Variants in RAD51B observed in about 807,000 individuals in gnomAD.
RAD51B encodes DNA repair protein RAD51 homolog 2.
A neutral mutation model predicts 42.2 loss-of-function variants in RAD51B; 38 were observed. The observed-to-expected ratio is 0.90, with a 90% CI of 0.70 to 1.18. The LOEUF (loss-of-function observed/expected upper bound fraction) is 1.18, where lower values mean the gene tolerates loss of function less well. Ranked by LOEUF, RAD51B falls within the 50% of genes most tolerant of loss-of-function variation. RAD51B has a pLI of 0.00. For missense variants in RAD51B, 373 were observed against 400.7 expected, an observed-to-expected ratio of 0.93 and a Z score of 0.59; for synonymous variants, 154 against 145.2, an observed-to-expected ratio of 1.06 and a Z score of -0.43.
At chr14:68,169,202 T>C (rs1004686657) in intron 7 of RAD51B, among the ~76,000 whole-genome samples, 16 of 152,178 alleles carry the variant, frequency 1.1e-4, no homozygotes, top group Non-Finnish European at 1.5e-5. Context: ...AGATGGATGA[T>C]TCATTTGCTA....
intron 7 of RAD51B, among the ~76,000 whole-genome samples, chr14:68,213,246 T>G (rs1471580150): frequency 6.6e-6 from 1 of 152,200 alleles, no homozygotes; most frequent in Non-Finnish European, 1.5e-5. Flanking sequence ...ATGCTAAATG[T>G]GTTGTATGAC....
intron 7 of RAD51B, among the ~76,000 whole-genome samples, chr14:68,165,821 G>A (rs1194600503): frequency 1.3e-5 from 2 of 152,132 alleles, no homozygotes; most frequent in African/African-American, 4.8e-5. Flanking sequence ...GAAGTTGCAA[G>A]TACTTTATAA....
intron 7 of RAD51B, among the ~76,000 whole-genome samples, chr14:67,949,701 T>A (rs2074407207): frequency 6.6e-6 from 1 of 152,184 alleles, no homozygotes; most frequent in African/African-American, 2.4e-5. Flanking sequence ...ATCAGAAGAA[T>A]CACAATCTAT....
intron 7 of RAD51B, among the ~76,000 whole-genome samples, chr14:67,957,959 C>A (rs937003349): frequency 6.6e-6 from 1 of 152,170 alleles, no homozygotes; most frequent in Admixed American, 6.5e-5. Context: ...AAGAATTGTA[C>A]GTTCATTCAG....
intron 8 of RAD51B, among the ~76,000 whole-genome samples, chr14:68,359,917 T>C (rs566020590): frequency 6.6e-6 from 1 of 152,330 alleles, no homozygotes; most frequent in East Asian, 1.9e-4. Context: ...TTGGTCTGGG[T>C]ACTTTCCACT....
chr14:68,186,017 A>G (rs1357303973), intron 7 of RAD51B, among the ~76,000 whole-genome samples: 1 of 152,250 alleles, frequency 6.6e-6, no homozygotes, highest in Non-Finnish European at 1.5e-5. Flanking sequence ...AAGCAAACAC[A>G]TTAACCAGTG....
intron 10 of RAD51B, among the ~76,000 whole-genome samples, chr14:68,552,314 G>T (rs1888617168): frequency 6.6e-6 from 1 of 152,114 alleles, no homozygotes; most frequent in Non-Finnish European, 1.5e-5. Context: ...TCCGTTCTTG[G>T]TTATATAGGA....
At chr14:68,076,452 A>G (rs529352609) in intron 7 of RAD51B, among the ~76,000 whole-genome samples, 1 of 152,368 alleles carries the variant, frequency 6.6e-6, no homozygotes, top group East Asian at 1.9e-4. Context: ...CTCCTTCAAA[A>G]GGCTAAAAGA....
At chr14:68,583,080 C>T (rs1890284296) in intron 10 of RAD51B, among the ~76,000 whole-genome samples, 1 of 152,170 alleles carries the variant, frequency 6.6e-6, no homozygotes, top group Non-Finnish European at 1.5e-5. Context: ...AGCAAACAAC[C>T]ATGGCATGTG....
chr14:68,419,249 A>C (rs895930149), intron 9 of RAD51B, among the ~76,000 whole-genome samples: 5 of 152,190 alleles, frequency 3.3e-5, no homozygotes, highest in Non-Finnish European at 5.9e-5. Context: ...ATGGAACAGA[A>C]ATTCAATTCT....
intron 10 of RAD51B, among the ~76,000 whole-genome samples, chr14:68,526,300 A>G (rs1280268809): frequency 1.3e-5 from 2 of 152,236 alleles, no homozygotes; most frequent in Non-Finnish European, 2.9e-5. Flanking sequence ...TTGGTCAACA[A>G]CTGACCACAT....
chr14:68,058,532 G>T (rs1487699940), intron 7 of RAD51B, among the ~76,000 whole-genome samples: 1 of 151,998 alleles, frequency 6.6e-6, no homozygotes, highest in Non-Finnish European at 1.5e-5. Flanking sequence ...TGTTTTTCTT[G>T]TACACAGTTA....
intron 7 of RAD51B, among the ~76,000 whole-genome samples, chr14:68,127,225 C>A (rs1280956591): frequency 6.6e-6 from 1 of 152,134 alleles, no homozygotes; most frequent in Non-Finnish European, 1.5e-5. Flanking sequence ...TCCACCCAGA[C>A]CATTGAATGT....
rs59465805 is a variant in RAD51B, at chr14:67,948,931, C to CAAAAAAAAA, written c.756+61746_756+61754dup. ...TGGGTGACAGAGTGAGACTCTGTCT[C>CAAAAAAAAA]AAAAAAAAAAAAAAAAAAAAAAAAA... On this transcript the variant is annotated intron_variant, in intron 7 of 10. Coordinates refer to ENST00000471583, the MANE Select transcript of RAD51B (RefSeq NM_133510.4). Among the ~76,000 whole-genome samples, 15 of 17,056 alleles carry CAAAAAAAAA rather than the reference C, an allele frequency of 8.8e-4. 1 individual carries two copies. Among genetic ancestry groups the CAAAAAAAAA allele is most frequent in the African/African-American group, 2.9e-3 (15 of 5,210 alleles). The allele number at this position is 17,056 out of a possible 152,430, so 11.2% of individuals were successfully genotyped here. A position where few individuals can be genotyped will look rare whatever the true frequency, so the allele number is the denominator to read the frequency against.
chr14:67,832,308 A>G (rs1174871115), intron 3 of RAD51B, among the ~76,000 whole-genome samples: 2 of 152,182 alleles, frequency 1.3e-5, no homozygotes, highest in African/African-American at 4.8e-5. Context: ...AATGCACAGG[A>G]TATAAATGGT....
intron 8 of RAD51B, among the ~76,000 whole-genome samples, chr14:68,402,566 C>G (rs1010553167): frequency 2.0e-5 from 3 of 152,184 alleles, no homozygotes; most frequent in Admixed American, 2.0e-4. Flanking sequence ...CACAGGTTTA[C>G]CCATCATAAA....
chr14:67,862,670 G>A (rs572354532), intron 4 of RAD51B, among the ~76,000 whole-genome samples: 1 of 152,176 alleles, frequency 6.6e-6, no homozygotes, highest in Admixed American at 6.5e-5. Context: ...ATTAAGTACT[G>A]AAATAAGTGG....
chr14:68,403,871 C>T (rs1305800602), intron 8 of RAD51B, among the ~76,000 whole-genome samples: 1 of 152,188 alleles, frequency 6.6e-6, no homozygotes, highest in African/African-American at 2.4e-5. Context: ...ATCATTGTTC[C>T]TGTCACTTAT....
At chr14:68,073,499 G>A (rs779453810) in intron 7 of RAD51B, among the ~76,000 whole-genome samples, 6 of 152,092 alleles carry the variant, frequency 3.9e-5, no homozygotes, top group Non-Finnish European at 8.8e-5. Flanking sequence ...TGCCTTTTAG[G>A]TGGGATGCTT....
Sources: gnomAD v4.1 joint callset for allele counts (sites outside exome capture counted in the v4.1 genomes callset) on GRCh38, gnomAD v4.1.1 for gene constraint, MANE v1.5 for transcripts, NCBI Gene and HGNC (gene_info 2026-07-23, HGNC 2026-07-21) for gene names.